USP6: variants seen among roughly 807,000 people sequenced by gnomAD.
USP6 encodes ubiquitin specific peptidase 6.
In USP6, 128 loss-of-function variants were observed where a neutral mutation model predicts 175.7. The ratio of observed to expected loss-of-function variants is 0.73; its 90% CI spans 0.63 to 0.84. USP6 has a LOEUF of 0.84. USP6 is among the 40% of genes least tolerant of loss of function. The probability of loss-of-function intolerance (pLI) is 0.00; values close to 1 mark genes in which losing one functional copy is unlikely to be tolerated. For synonymous variants in USP6, 562 were observed against 630.6 expected, an observed-to-expected ratio of 0.89 and a Z score of 1.63; for missense variants, 1,498 against 1,760.3, an observed-to-expected ratio of 0.85 and a Z score of 2.67.
At position 5,168,839 on chromosome 17, in the gene USP6, C is replaced by T. The variant is rs118059961; in HGVS notation, c.3301C>T (p.Arg1101Trp). The T allele has an allele frequency of 0.032, 50,926 of 1,611,498 alleles. 973 individuals carry two copies. The highest frequency in any genetic ancestry group is 0.053 in the Admixed American group (3,145 of 59,318). ...IKSQKIVRFL[R>W]ESFDPSAFLV... ...ATCACAGAAAATTGTCAGATTTCTTCGGGAAAGTTTTGATCCGAGTGCTTT... is the reference window on the plus strand; with the variant it reads ...ATCACAGAAAATTGTCAGATTTCTTTGGGAAAGTTTTGATCCGAGTGCTTT... Residue 1101 changes from arginine (R) to tryptophan (W), a missense_variant, in exon 35 of 38, where the codon CGG becomes TGG. Physicochemically the swap from Arg to Trp is moderately radical, Grantham distance 101. Around this residue, in one of 2 missense-constraint regions of USP6, gnomAD observed 1,217 missense variants for 1,500.8 expected, o/e 0.81. Coordinates refer to ENST00000574788, the MANE Select transcript of USP6 (RefSeq NM_001304284.2).
At chr17:5,158,709 A>G (rs966079837) in intron 31 of USP6, among the ~76,000 whole-genome samples, 4 of 149,950 alleles carry the variant, frequency 2.7e-5, no homozygotes, top group African/African-American at 2.5e-5. Context: ...GAAGAAAACC[A>G]GGAGTTAAGT....
In USP6 at chr17:5,174,160, G is replaced by GTTTC; in HGVS notation, c.*1186_*1189dup. The GTTTC allele has an allele frequency of 5.1e-6, 1 of 196,834 alleles. No individual in the cohort carries two copies. The highest frequency in any genetic ancestry group is 1.1e-5 in the Non-Finnish European group (1 of 94,722). The allele number at this position is 196,834 out of a possible 1,614,324, so 12.2% of individuals were successfully genotyped here. A position where few individuals can be genotyped will look rare whatever the true frequency, so the allele number is the denominator to read the frequency against. ...TTTTACAGTAGTCATTGAAAGTTAT[G>GTTTC]TTTCTTTGCTTACTTCATTTTTTCC... On this transcript the variant is annotated 3_prime_UTR_variant, in exon 38 of 38. Coordinates refer to ENST00000574788, the MANE Select transcript of USP6 (RefSeq NM_001304284.2).
In USP6 at chr17:5,168,094, C is replaced by G. The variant is rs745882725; in HGVS notation, c.3199C>G (p.Leu1067Val). The G allele has an allele frequency of 7.5e-6, 12 of 1,610,030 alleles. No homozygotes were observed. Among genetic ancestry groups the G allele is most frequent in the South Asian group, 2.2e-5 (2 of 90,870 alleles). The change falls in exon 34 of 38, where the codon CTG (leucine) becomes GTG (valine). Residue 1067 changes from leucine (L) to valine (V), a missense_variant. Physicochemically the swap from Leu to Val is conservative, Grantham distance 32. Transcript: ENST00000574788. ...GACCCACTGCTTAGCAACAAAGAAG[C>G]TGGATCTCTGGAGGCTTCCACCCTT... is the stretch of plus-strand genomic sequence containing the variant. ...CKTHCLATKK[L>V]DLWRLPPFLI...
chr17:5,137,504 CT>C, intron 19 of USP6, 146 bp from the exon 20 acceptor site: 2 of 868,178 alleles, frequency 2.3e-6, no homozygotes, highest in Non-Finnish European at 3.6e-6. Flanking sequence ...GTTGCAAGAC[CT>C]TTTCTGACTC....
At position 5,169,071 on chromosome 17, in the gene USP6, CT is replaced by C; in HGVS notation, c.3517+18del. On this transcript the variant is annotated intron_variant, in intron 35 of 37. Coordinates refer to ENST00000574788, the MANE Select transcript of USP6 (RefSeq NM_001304284.2). ...AGCCCAAAAGGTGAGGCCTGGGGGCCTTATGCAGTTGCTTTCTTGGGACTCC... is the reference window on the plus strand; with the variant it reads ...AGCCCAAAAGGTGAGGCCTGGGGGCCTATGCAGTTGCTTTCTTGGGACTCC... The C allele has an allele frequency of 6.4e-7, 1 of 1,560,850 alleles. No individual in the cohort carries two copies. The highest frequency in any genetic ancestry group is 8.6e-7 in the Non-Finnish European group (1 of 1,157,406).
Position 5,132,362 on chromosome 17 carries a change from G to T in USP6, c.156-34G>T, listed in dbSNP as rs111575757. On this transcript the variant is annotated intron_variant, in intron 11 of 37. Coordinates refer to ENST00000574788, the MANE Select transcript of USP6 (RefSeq NM_001304284.2). This position sits in a 1 kb window ranked among gnomAD's most constrained non-coding sequence, Gnocchi z 4.7. ...AGGCTTGGGCGGCTCCAGGCCCTGT[G>T]CACGTCCTCAGCTCTGCCTGGGTTG... 0.11 allele frequency: 174,026 copies of T among 1,612,062 alleles called. 10,539 individuals are homozygous for T. The highest frequency in any genetic ancestry group is 0.17 in the African/African-American group (12,757 of 74,960).
intron 33 of USP6, 130 bp downstream of exon 33, chr17:5,163,134 A>C: frequency 2.2e-6 from 3 of 1,343,494 alleles, no homozygotes; most frequent in African/African-American, 1.5e-5. Context: ...CCTCTATGGC[A>C]CCTAATATAT....
At position 5,135,215 on chromosome 17, in the gene USP6, C is replaced by A; in HGVS notation, c.495-19C>A. On this transcript the variant is annotated intron_variant, in intron 15 of 37. Coordinates refer to ENST00000574788, the MANE Select transcript of USP6 (RefSeq NM_001304284.2). ...CATCTGCACAAACCAAACCATAGCC[C>A]CCTTTCTGTGTTTCCTAGGCAGAGG... is the stretch of plus-strand genomic sequence containing the variant. The A allele has an allele frequency of 6.2e-7, 1 of 1,612,016 alleles. No individual in the cohort carries two copies. The highest frequency in any genetic ancestry group is 1.3e-5 in the African/African-American group (1 of 74,994).
chr17:5,170,528 A>G lies in USP6; in HGVS notation c.3567A>G (p.Lys1189=). The change falls in exon 36 of 38, where the codon AAA becomes AAG. Residue 1189 remains lysine, a synonymous_variant. Coordinates refer to ENST00000574788, the MANE Select transcript of USP6 (RefSeq NM_001304284.2). ...RKSGTSCPSS[K]NSSPNSSPRT... is the part of the protein sequence containing the mutation. ...GTGGAACCAGCTGTCCCTCCAGCAA[A>G]AACAGCAGCCCTAATAGCAGCCCAC... 1 of 1,611,718 alleles carries G rather than the reference A, an allele frequency of 6.2e-7. No individual in the cohort carries two copies. Among genetic ancestry groups the G allele is most frequent in the Non-Finnish European group, 8.5e-7 (1 of 1,179,706 alleles).
intron 4 of USP6, among the ~76,000 whole-genome samples, chr17:5,123,862 C>T (rs1211896592): frequency 5.9e-5 from 9 of 151,660 alleles, no homozygotes; most frequent in Non-Finnish European, 1.0e-4. Flanking sequence ...CTGTTAACAC[C>T]GTACACCCCC....
intron 34 of USP6, 116 bp from the exon 35 acceptor site, chr17:5,168,651 G>A (rs996635332): frequency 2.8e-5 from 39 of 1,387,332 alleles, no homozygotes; most frequent in Non-Finnish European, 3.8e-5. Flanking sequence ...ATAATGAAGA[G>A]TAAATGTTCT....
intron 25 of USP6, 123 bp from the exon 26 acceptor site, chr17:5,144,567 T>C (rs757102021): frequency 8.9e-6 from 10 of 1,121,348 alleles, no homozygotes; most frequent in Non-Finnish European, 1.2e-5. Flanking sequence ...TTTGTTGAAA[T>C]GGAGGCAGAC....
At position 5,116,268 on chromosome 17, in the gene USP6, G is replaced by A. The variant is rs1597943528; in HGVS notation, c.-2400G>A. ...GGGCTCTCTGCTCGACGCCACTCCC[G>A]GCCCCGCTCCGGGCGGCCCCCCTCA... On this transcript the variant is annotated 5_prime_UTR_variant, in exon 1 of 38. Coordinates refer to ENST00000574788, the MANE Select transcript of USP6 (RefSeq NM_001304284.2). Among the ~76,000 whole-genome samples, 1 of 151,888 alleles carries A rather than the reference G, an allele frequency of 6.6e-6. No individual in the cohort carries two copies. The highest frequency in any genetic ancestry group is 6.5e-5 in the Admixed American group (1 of 15,272).
At position 5,145,548 on chromosome 17, in the gene USP6, A is replaced by G. The variant is rs1263987213; in HGVS notation, c.2136A>G (p.Pro712=). 14 of 1,610,644 alleles carry G rather than the reference A, an allele frequency of 8.7e-6. No individual in the cohort carries two copies. Among genetic ancestry groups the G allele is most frequent in the Non-Finnish European group, 1.2e-5 (14 of 1,178,692 alleles). The part of the protein sequence containing the change: ...DPFNFLSLPL[P]MDSYMDLEIT... ...TCAATTTTTTGTCTTTGCCACTACC[A>G]ATGGACAGTTACATGGACTTAGAAA... The change falls in exon 27 of 38, where the codon CCA becomes CCG. Residue 712 remains proline (P), a synonymous_variant. Transcript: ENST00000574788.
At chr17:5,136,317 GT>G (rs1358532353) in intron 17 of USP6, among the ~76,000 whole-genome samples, 1 of 152,184 alleles carries the variant, frequency 6.6e-6, no homozygotes, top group Non-Finnish European at 1.5e-5. Context: ...TCACCATCCC[GT>G]GTCCCCTGGC....
intron 26 of USP6, 113 bp downstream of exon 26, chr17:5,144,976 CA>C (rs2073566346): frequency 3.6e-6 from 5 of 1,393,908 alleles, no homozygotes; most frequent in Non-Finnish European, 4.7e-6. Flanking sequence ...AATTTTACTG[CA>C]AAAATTAAGG....
intron 14 of USP6, 148 bp from the exon 15 acceptor site, chr17:5,133,739 T>C (rs1049153506): frequency 2.0e-5 from 22 of 1,124,512 alleles, no homozygotes; most frequent in East Asian, 1.5e-4. Context: ...CTGGCCTCAG[T>C]AGCAAGCCAA....
At position 5,137,707 on chromosome 17, in the gene USP6, G is replaced by A. The variant is rs2073302146; in HGVS notation, c.882G>A (p.Gln294=). ...LWDVYLVEGE[Q]VLMPITSIAL... ...ACGTGTATTTGGTGGAAGGAGAACAGGTGTTGATGCCAATAACCAGCATTG... is the reference window on the plus strand; with the variant it reads ...ACGTGTATTTGGTGGAAGGAGAACAAGTGTTGATGCCAATAACCAGCATTG... Residue 294 remains glutamine, a synonymous_variant, in exon 20 of 38, where the codon CAG becomes CAA. Coordinates refer to ENST00000574788, the MANE Select transcript of USP6 (RefSeq NM_001304284.2). The A allele has an allele frequency of 1.9e-6, 3 of 1,609,052 alleles. No individual in the cohort carries two copies. Among genetic ancestry groups the A allele is most frequent in the Non-Finnish European group, 2.5e-6 (3 of 1,176,586 alleles).
In USP6 at chr17:5,116,205, A is replaced by G. The variant is rs1026730586; in HGVS notation, c.-2463A>G. Among the ~76,000 whole-genome samples the G allele has an allele frequency of 1.4e-5, 2 of 140,162 alleles. No homozygotes were observed. Among genetic ancestry groups the G allele is most frequent in the Non-Finnish European group, 3.3e-5 (2 of 59,764 alleles). The allele number at this position is 140,162 out of a possible 152,430, so 92.0% of individuals were successfully genotyped here. A position where few individuals can be genotyped will look rare whatever the true frequency, so the allele number is the denominator to read the frequency against. On this transcript the variant is annotated 5_prime_UTR_variant, in exon 1 of 38. Transcript: ENST00000574788. ...CTAGCAGTCAGGAGGGGCCGCGGGC[A>G]GCGCTCGAGACGCTCATTGAGAGGA...
Sources: gnomAD v4.1 joint callset for allele counts (sites outside exome capture counted in the v4.1 genomes callset) on GRCh38, gnomAD v4.1.1 for gene constraint, gnomAD v4.1.1 regional missense constraint, Gnocchi (gnomAD v3.1) non-coding constraint, MANE v1.5 for transcripts, NCBI Gene and HGNC (gene_info 2026-07-23, HGNC 2026-07-21) for gene names.